TRAPPC2: variants seen among roughly 807,000 people sequenced by gnomAD.
The protein encoded by TRAPPC2 is sedlin.
Under a neutral mutation model 10.0 loss-of-function variants are expected in TRAPPC2, and 4 were observed. The ratio of observed to expected loss-of-function variants is 0.40; its 90% CI spans 0.20 to 0.92. The LOEUF (loss-of-function observed/expected upper bound fraction) is 0.92, where lower values mean the gene tolerates loss of function less well. Among genes scored for constraint, TRAPPC2 ranks in the 40% least tolerant of loss-of-function variants. TRAPPC2 has a pLI of 0.35. For missense variants in TRAPPC2, 52 were observed against 108.7 expected (o/e 0.48, Z 2.32); for synonymous variants, 36 against 37.3 (o/e 0.97, Z 0.12).
chrX:13,713,032 C>G lies in TRAPPC2; in HGVS notation c.*1375G>C, dbSNP rs1160565652. ...CTGAGGCAGGAGAATTGCTTGAAGT[C>G]AGGAGGCAGAGGTTACGGTGAAACA... On this transcript the variant is annotated 3_prime_UTR_variant, in exon 6 of 6. Coordinates refer to ENST00000380579, the MANE Select transcript of TRAPPC2 (RefSeq NM_001011658.4). 1 of 104,731 alleles carries G rather than the reference C, an allele frequency of 9.5e-6. No homozygotes were observed. The highest frequency in any genetic ancestry group is 2.9e-4 in the East Asian group (1 of 3,413). The allele number at this position is 104,731 out of a possible 1,213,427, so 8.6% of individuals were successfully genotyped here.
chrX:13,714,304 T>A lies in TRAPPC2; in HGVS notation c.*103A>T. 2.3e-6 allele frequency: 1 copy of A among 437,911 alleles called. No individual in the cohort carries two copies. The highest frequency in any genetic ancestry group is 3.8e-6 in the Non-Finnish European group (1 of 261,117). The allele number at this position is 437,911 out of a possible 1,213,427, so 36.1% of individuals were successfully genotyped here. A position where few individuals can be genotyped will look rare whatever the true frequency, so the allele number is the denominator to read the frequency against. ...TCATTAGGTTTAGATAAGCTGAGAA[T>A]ACACAAAAGTTTTCCAGGCTATTTA... On this transcript the variant is annotated 3_prime_UTR_variant, in exon 6 of 6. Coordinates refer to ENST00000380579, the MANE Select transcript of TRAPPC2 (RefSeq NM_001011658.4).
intron 2 of TRAPPC2, chrX:13,721,344 A>C (rs746905355): frequency 1.8e-4 from 20 of 112,308 alleles, no homozygotes; most frequent in Non-Finnish European, 3.0e-4. Flanking sequence ...TGGTGCACTT[A>C]TGAGGATCAC....
intron 4 of TRAPPC2, 107 bp downstream of exon 4, chrX:13,716,427 C>T: frequency 3.0e-6 from 3 of 988,223 alleles, no homozygotes; most frequent in African/African-American, 3.8e-5. Flanking sequence ...ACATTTTCAC[C>T]TGACTGTGAA....
chrX:13,719,574 G>A (rs1346290275), intron 3 of TRAPPC2, among the ~76,000 whole-genome samples: 3 of 112,013 alleles, frequency 2.7e-5, no homozygotes, highest in Non-Finnish European at 3.8e-5. Flanking sequence ...ATTTCAAGGC[G>A]GCAATCCACT....
intron 2 of TRAPPC2, 88 bp downstream of exon 2, chrX:13,733,956 T>C: frequency 2.0e-6 from 1 of 508,930 alleles, no homozygotes; most frequent in Admixed American, 2.7e-5. Flanking sequence ...TGTTCAATTC[T>C]CTGGCTGTAA....
intron 2 of TRAPPC2, among the ~76,000 whole-genome samples, chrX:13,732,645 T>C (rs1349329176): frequency 1.8e-5 from 2 of 112,794 alleles, no homozygotes; most frequent in Non-Finnish European, 3.8e-5. Context: ...AACCGTTCCA[T>C]AGGCCAAGCC....
chrX:13,730,923 G>T (rs1486236418), intron 2 of TRAPPC2, among the ~76,000 whole-genome samples: 2 of 106,879 alleles, frequency 1.9e-5, no homozygotes, highest in Non-Finnish European at 3.9e-5. Context: ...GTCAGGGGGT[G>T]GGGGGCTGGG....
At chrX:13,714,574 T>G in intron 5 of TRAPPC2, 69 bp from the exon 6 acceptor site, 1 of 610,711 alleles carries the variant, frequency 1.6e-6, no homozygotes, top group Non-Finnish European at 2.4e-6. Context: ...AGGAAATCAT[T>G]TTAAAGTTTT....
intron 2 of TRAPPC2, among the ~76,000 whole-genome samples, chrX:13,722,895 C>G (rs1402469659): frequency 9.0e-6 from 1 of 110,809 alleles, no homozygotes; most frequent in Non-Finnish European, 1.9e-5. Context: ...AACCCCATCT[C>G]TACTAAAAAT....
chrX:13,720,295 G>C (rs2046380712), intron 2 of TRAPPC2: 1 of 138,312 alleles, frequency 7.2e-6, no homozygotes, highest in Non-Finnish European at 1.4e-5. Flanking sequence ...GGCCCTAAGT[G>C]TCTGGTAGAG....
rs1032593772 is a variant in TRAPPC2, at chrX:13,714,154, A to C, written c.*253T>G. 2.1e-4 allele frequency: 38 copies of C among 180,484 alleles called. No homozygotes were observed. The highest frequency in any genetic ancestry group is 4.1e-5 in the Non-Finnish European group (4 of 98,353). 14.9% of individuals were successfully genotyped at this position (180,484 alleles called of 1,213,427 possible). Reference sequence around the variant, plus strand: ...GAGACTCTGTATCAGAAAAAAAAAAAAAAAAAAAACATGATTATTGATAAT... The same window carrying C: ...GAGACTCTGTATCAGAAAAAAAAAACAAAAAAAAACATGATTATTGATAAT... On this transcript the variant is annotated 3_prime_UTR_variant, in exon 6 of 6. Coordinates refer to ENST00000380579, the MANE Select transcript of TRAPPC2 (RefSeq NM_001011658.4).
Position 13,714,619 on chromosome X carries a change from A to G in TRAPPC2, c.325-114T>C. The G allele has an allele frequency of 7.4e-6, 3 of 403,339 alleles. No homozygotes were observed. The South Asian group carries it at 2.2e-4, about 30-fold the overall frequency. 33.2% of individuals were successfully genotyped at this position (403,339 alleles called of 1,213,427 possible). On this transcript the variant is annotated intron_variant, in intron 5 of 5. Transcript: ENST00000380579. Reference sequence around the variant, plus strand: ...ACCAAAGACATTCCAAAGTCTAAAGACCACATTTTTAAGTTTTATTGAAAA... The same window carrying G: ...ACCAAAGACATTCCAAAGTCTAAAGGCCACATTTTTAAGTTTTATTGAAAA...
At position 13,715,997 on chromosome X, in the gene TRAPPC2, A is replaced by G. The variant is rs369794913; in HGVS notation, c.324+7T>C. The G allele has an allele frequency of 1.6e-5, 19 of 1,182,070 alleles. No individual in the cohort carries two copies. In the African/African-American group the frequency reaches 2.3e-4, roughly 14 times the overall value. On this transcript the variant is annotated splice_region_variant and intron_variant, in intron 5 of 5. Transcript: ENST00000380579. ...TCAGAATTTAAAAATTATAGAACAT[A>G]CCATACCTTTATATATAAATCATAA...
intron 5 of TRAPPC2, 112 bp downstream of exon 5, chrX:13,715,892 G>A (rs1054105688): frequency 3.1e-5 from 33 of 1,049,300 alleles, no homozygotes; most frequent in Non-Finnish European, 3.7e-5. Context: ...ATGGGGGAAA[G>A]CTAGTCTGAA....
chrX:13,734,157 G>C lies in TRAPPC2; in HGVS notation c.-133C>G. 2.0e-6 allele frequency: 1 copy of C among 506,588 alleles called. No individual in the cohort carries two copies. The highest frequency in any genetic ancestry group is 3.5e-6 in the Non-Finnish European group (1 of 282,285). 41.7% of individuals were successfully genotyped at this position (506,588 alleles called of 1,213,427 possible). A position where few individuals can be genotyped will look rare whatever the true frequency, so the allele number is the denominator to read the frequency against. On this transcript the variant is annotated 5_prime_UTR_variant, in exon 2 of 6. Coordinates refer to ENST00000380579, the MANE Select transcript of TRAPPC2 (RefSeq NM_001011658.4). ...TCTGGCAATATCTGGAGACATCTTT[G>C]GTTGTCACACTTGGGGGAGAAGGTG...
intron 2 of TRAPPC2, among the ~76,000 whole-genome samples, chrX:13,726,534 C>A (rs1254860888): frequency 9.0e-6 from 1 of 111,282 alleles, no homozygotes; most frequent in Non-Finnish European, 1.9e-5. Context: ...GAAATAAAAT[C>A]CTTTACAGAG....
chrX:13,721,614 G>C (rs911614747), intron 2 of TRAPPC2: 4 of 111,955 alleles, frequency 3.6e-5, no homozygotes, highest in Non-Finnish European at 7.5e-5. Context: ...AATGAAATCA[G>C]AAGAAATCTG....
At chrX:13,716,774 T>TG (rs1472278268) in intron 3 of TRAPPC2, 96 bp from the exon 4 acceptor site, 6 of 976,608 alleles carry the variant, frequency 6.1e-6, no homozygotes, top group Middle Eastern at 2.7e-4. Flanking sequence ...GGTTTTCTTG[T>TG]GGGGAAAAAA....
In TRAPPC2 at chrX:13,712,755, A is replaced by G. The variant is rs1257835389; in HGVS notation, c.*1652T>C. 1 of 112,302 alleles carries G rather than the reference A, an allele frequency of 8.9e-6. No individual in the cohort carries two copies. The highest frequency in any genetic ancestry group is 1.9e-5 in the Non-Finnish European group (1 of 53,257). 9.3% of individuals were successfully genotyped at this position (112,302 alleles called of 1,213,427 possible). On this transcript the variant is annotated 3_prime_UTR_variant, in exon 6 of 6. Coordinates refer to ENST00000380579, the MANE Select transcript of TRAPPC2 (RefSeq NM_001011658.4). ...TGGTGGAAGCAGACATGTGACACTT[A>G]GCACTGCACAAGTGTTTCTTTGGCT...
Sources: gnomAD v4.1 joint callset for allele counts (sites outside exome capture counted in the v4.1 genomes callset) on GRCh38, gnomAD v4.1.1 for gene constraint, MANE v1.5 for transcripts, NCBI Gene and HGNC (gene_info 2026-07-23, HGNC 2026-07-21) for gene names.